The following TANC2 variants were observed in gnomAD, a reference collection of about 807,000 sequenced individuals.
The protein encoded by TANC2 is protein TANC2.
TANC2 carries 26 observed loss-of-function variants against 210.5 expected under a neutral mutation model. That is an observed-to-expected ratio of 0.12 (90% CI 0.09 to 0.17). The LOEUF is 0.17. Among genes scored for constraint, TANC2 ranks in the 10% least tolerant of loss-of-function variants. TANC2 has a pLI of 1.00. For missense variants in TANC2, 2,129 were observed against 2,608.9 expected (o/e 0.82, Z 4.01); for synonymous variants, 931 against 967.1 (o/e 0.96, Z 0.69).
chr17:63,263,695 G>A (rs2043437303), intron 8 of TANC2, among the ~76,000 whole-genome samples: 1 of 152,274 alleles, frequency 6.6e-6, no homozygotes, highest in African/African-American at 2.4e-5. Flanking sequence ...AAGAAAGTCA[G>A]CAAGCCTGTT....
At chr17:63,024,303 C>G (rs2034464654) in intron 2 of TANC2, among the ~76,000 whole-genome samples, 1 of 152,144 alleles carries the variant, frequency 6.6e-6, no homozygotes, top group South Asian at 2.1e-4. Flanking sequence ...ATGGTTATTT[C>G]TTGATTATAT....
At chr17:63,205,011 G>T (rs1285585166) in intron 7 of TANC2, among the ~76,000 whole-genome samples, 1 of 152,032 alleles carries the variant, frequency 6.6e-6, no homozygotes, top group Non-Finnish European at 1.5e-5. Context: ...CTTGAACCTG[G>T]GAGGCAGAGG....
At chr17:63,105,113 A>G (rs2037775609) in intron 4 of TANC2, among the ~76,000 whole-genome samples, 1 of 151,744 alleles carries the variant, frequency 6.6e-6, no homozygotes, top group Non-Finnish European at 1.5e-5. Context: ...GTAGCCTTCA[A>G]GAAACAATTA....
intron 14 of TANC2, among the ~76,000 whole-genome samples, chr17:63,358,759 AC>A (rs1188380656): frequency 6.6e-6 from 1 of 152,226 alleles, no homozygotes; most frequent in Non-Finnish European, 1.5e-5. Flanking sequence ...TTGTTAGGCA[AC>A]CTTTTAGTGA....
Position 63,418,296 on chromosome 17 carries a change from TG to T in TANC2, c.4168-10del, listed in dbSNP as rs2048926649. The T allele has an allele frequency of 6.2e-7, 1 of 1,611,344 alleles. No homozygotes were observed. The highest frequency in any genetic ancestry group is 1.7e-5 in the Admixed American group (1 of 59,750). ...ATCAATGACTCATTTGCACACCTATTGTAATGACAGGATTTTGGAATGGCGG... is the reference window on the plus strand; with the variant it reads ...ATCAATGACTCATTTGCACACCTATTTAATGACAGGATTTTGGAATGGCGG... On this transcript the variant is annotated splice_polypyrimidine_tract_variant and intron_variant, in intron 26 of 27. Coordinates refer to ENST00000689528, the Ensembl canonical transcript of TANC2. The surrounding 1 kb of genome is among the most constrained non-coding windows in gnomAD (Gnocchi z 4.6).
At chr17:63,291,315 G>T (rs1279746306) in intron 9 of TANC2, among the ~76,000 whole-genome samples, 1 of 152,134 alleles carries the variant, frequency 6.6e-6, no homozygotes, top group Non-Finnish European at 1.5e-5. Context: ...GGCTGGGTTT[G>T]CATCCTTAAC....
At chr17:63,349,470 T>C (rs1213312028) in intron 12 of TANC2, among the ~76,000 whole-genome samples, 1 of 152,202 alleles carries the variant, frequency 6.6e-6, no homozygotes, top group Non-Finnish European at 1.5e-5. Context: ...AAAGGAGATA[T>C]AATTGAAGGG....
chr17:63,055,451 C>A (rs1482105811), intron 2 of TANC2, among the ~76,000 whole-genome samples: 2 of 151,900 alleles, frequency 1.3e-5, no homozygotes, highest in Non-Finnish European at 2.9e-5. Context: ...TAGGAAACCC[C>A]AATTGAGATG....
intron 2 of TANC2, among the ~76,000 whole-genome samples, chr17:63,032,262 C>T (rs571765803): frequency 4.6e-4 from 70 of 152,178 alleles, no homozygotes; most frequent in South Asian, 8.3e-4. Flanking sequence ...AGGTCAACTC[C>T]GGTCTTATTT....
At chr17:62,985,660 A>T (rs987319480) in intron 1 of TANC2, among the ~76,000 whole-genome samples, 1 of 152,024 alleles carries the variant, frequency 6.6e-6, no homozygotes, top group Admixed American at 6.6e-5. Context: ...GAAGCTCTCA[A>T]TTGGATTTTT....
At chr17:63,149,122 A>G (rs1158446646) in intron 4 of TANC2, 2 of 152,176 alleles carry the variant, frequency 1.3e-5, no homozygotes, top group East Asian at 3.8e-4. Context: ...AGGGAAAATA[A>G]AGAAGTTGGT....
chr17:63,325,681 T>A (rs150952238), intron 11 of TANC2, among the ~76,000 whole-genome samples: 2 of 152,358 alleles, frequency 1.3e-5, no homozygotes, highest in African/African-American at 4.8e-5. Context: ...TTAATATTTG[T>A]GAATGAATGA....
chr17:63,182,363 A>T (rs1233548409), intron 5 of TANC2: 1 of 229,624 alleles, frequency 4.4e-6, no homozygotes, highest in East Asian at 1.0e-4. Context: ...AAAAAATGGG[A>T]CATCTGTGAC....
intron 7 of TANC2, among the ~76,000 whole-genome samples, chr17:63,218,832 T>C (rs1191204962): frequency 6.6e-6 from 1 of 151,944 alleles, no homozygotes; most frequent in Non-Finnish European, 1.5e-5. Context: ...AGACAGAGGT[T>C]TCAGTGAGCT....
At chr17:63,279,564 T>C (rs2043998159) in intron 9 of TANC2, among the ~76,000 whole-genome samples, 1 of 152,040 alleles carries the variant, frequency 6.6e-6, no homozygotes, top group Non-Finnish European at 1.5e-5. Flanking sequence ...GTGTAGCTGA[T>C]CTAGTAAAAG....
chr17:63,299,740 C>G (rs1280225188), intron 9 of TANC2, among the ~76,000 whole-genome samples: 1 of 151,970 alleles, frequency 6.6e-6, no homozygotes, highest in Non-Finnish European at 1.5e-5. Flanking sequence ...ATTGCCTGTT[C>G]ACTCTGATGA....
intron 13 of TANC2, among the ~76,000 whole-genome samples, chr17:63,354,392 A>G (rs1309893766): frequency 6.6e-6 from 1 of 152,158 alleles, no homozygotes; most frequent in Non-Finnish European, 1.5e-5. Context: ...TTTCTAAGCC[A>G]GTCTTTGAAT....
exon 28 of TANC2, chr17:63,424,276 C>T (rs1290827157): frequency 6.6e-6 from 1 of 152,208 alleles, no homozygotes; most frequent in African/African-American, 2.4e-5. Context: ...ATGGGCAAAA[C>T]ACCTAAAATG....
At chr17:63,400,408 T>C (rs1043113909) in intron 19 of TANC2, among the ~76,000 whole-genome samples, 6 of 152,220 alleles carry the variant, frequency 3.9e-5, no homozygotes, top group African/African-American at 1.4e-4. Flanking sequence ...TAAAATTTTA[T>C]GGCCTCAGGA....
Sources: gnomAD v4.1 joint callset for allele counts (sites outside exome capture counted in the v4.1 genomes callset) on GRCh38, gnomAD v4.1.1 for gene constraint, Gnocchi (gnomAD v3.1) non-coding constraint, MANE v1.5 for transcripts, NCBI Gene and HGNC (gene_info 2026-07-23, HGNC 2026-07-21) for gene names.